The following FOXK2 variants were observed in gnomAD, a reference collection of about 807,000 sequenced individuals.
FOXK2 encodes forkhead box protein K2.
FOXK2 carries 24 observed loss-of-function variants against 53.3 expected under a neutral mutation model. The observed-to-expected ratio is 0.45, with a 90% CI of 0.33 to 0.63. The LOEUF (loss-of-function observed/expected upper bound fraction) is 0.63, where lower values mean the gene tolerates loss of function less well. FOXK2 is among the 30% of genes least tolerant of loss of function. The probability of loss-of-function intolerance (pLI) is 0.03; values close to 1 mark genes in which losing one functional copy is unlikely to be tolerated. For synonymous variants in FOXK2, 505 were observed against 407.1 expected (o/e 1.24, Z -2.89); for missense variants, 952 against 910.5 (o/e 1.05, Z -0.59).
At chr17:82,523,401 A>G (rs2044386421) in intron 1 of FOXK2, among the ~76,000 whole-genome samples, 1 of 152,166 alleles carries the variant, frequency 6.6e-6, no homozygotes, top group Non-Finnish European at 1.5e-5. Flanking sequence ...GGTGTAGGGC[A>G]GTAACACAGG....
intron 5 of FOXK2, among the ~76,000 whole-genome samples, chr17:82,583,698 G>A (rs1005446487): frequency 3.9e-5 from 6 of 152,122 alleles, no homozygotes; most frequent in Non-Finnish European, 5.9e-5. Context: ...AAATGCCCAC[G>A]GACCTGCTCG....
At chr17:82,532,418 A>G (rs562522857) in intron 1 of FOXK2, among the ~76,000 whole-genome samples, 2 of 152,274 alleles carry the variant, frequency 1.3e-5, no homozygotes, top group Non-Finnish European at 2.9e-5. Flanking sequence ...TGCTGGGATT[A>G]CAGGCGTGAG....
At chr17:82,582,512 A>G (rs553466083) in intron 4 of FOXK2, among the ~76,000 whole-genome samples, 222 of 152,310 alleles carry the variant, frequency 1.5e-3, no homozygotes, top group Non-Finnish European at 2.4e-3. Context: ...GTCATCGTTT[A>G]TAAGCATGAT....
At chr17:82,576,543 C>T in intron 4 of FOXK2, 1 of 680,866 alleles carries the variant, frequency 1.5e-6, no homozygotes, top group South Asian at 1.7e-5. Context: ...TGTATTCTGT[C>T]ATCATGAGCT....
chr17:82,527,265 C>T (rs184638457), intron 1 of FOXK2, among the ~76,000 whole-genome samples: 93 of 152,130 alleles, frequency 6.1e-4, no homozygotes, highest in African/African-American at 2.1e-3. Flanking sequence ...CTCAGCCTCC[C>T]GAGGAGCTGG....
At chr17:82,545,871 C>A (rs925271986) in intron 1 of FOXK2, among the ~76,000 whole-genome samples, 2 of 151,682 alleles carry the variant, frequency 1.3e-5, no homozygotes, top group African/African-American at 4.8e-5. Flanking sequence ...CGTGAGCCAC[C>A]GCGCTTGGCC....
chr17:82,525,392 C>T (rs923429918), intron 1 of FOXK2, among the ~76,000 whole-genome samples: 9 of 152,118 alleles, frequency 5.9e-5, no homozygotes, highest in Admixed American at 1.3e-4. Flanking sequence ...GTTGGTCAGG[C>T]TGGTCAGAAC....
At chr17:82,531,437 A>G (rs946118870) in intron 1 of FOXK2, among the ~76,000 whole-genome samples, 1 of 152,168 alleles carries the variant, frequency 6.6e-6, no homozygotes, top group South Asian at 2.1e-4. Flanking sequence ...ACAGTCATGC[A>G]TCACTTAACT....
In FOXK2 at chr17:82,586,083, G is replaced by A. The variant is rs142240270; in HGVS notation, c.1459G>A (p.Gly487Arg). 115 of 1,612,664 alleles carry A rather than the reference G, an allele frequency of 7.1e-5. No individual in the cohort carries two copies. Among genetic ancestry groups the A allele is most frequent in the Admixed American group, 1.2e-4 (7 of 59,998 alleles). ...AGCGGTGTCGGTCACCAGTGTGGCC[G>A]GACTGGCCCCAGCGAACACGTACAC... is the stretch of plus-strand genomic sequence containing the variant. ...IPAVSVTSVA[G>R]LAPANTYTVS... Residue 487 changes from glycine (G) to arginine (R), a missense_variant, in exon 7 of 9, where the codon GGA becomes AGA. Transcript: ENST00000335255.
At chr17:82,564,837 T>A (rs2044836782) in intron 2 of FOXK2, among the ~76,000 whole-genome samples, 1 of 151,694 alleles carries the variant, frequency 6.6e-6, no homozygotes, top group African/African-American at 2.4e-5. Context: ...TTCAAGCGAT[T>A]CTCAAGCCTC....
chr17:82,520,209 C>G lies in FOXK2; in HGVS notation c.321C>G (p.Ala107=). The G allele has an allele frequency of 7.5e-7, 1 of 1,327,930 alleles. No individual in the cohort carries two copies. The highest frequency in any genetic ancestry group is 3.1e-5 in the East Asian group (1 of 32,062). 82.3% of individuals were successfully genotyped at this position (1,327,930 alleles called of 1,614,324 possible). ...ELPPAQPRPD[A]GGDFYLRCLG... is the part of the protein sequence containing the mutation. The stretch of plus-strand genomic sequence containing the variant: ...CGCCCGCGCAGCCCAGGCCCGACGC[C>G]GGCGGCGACTTCTACCTGCGCTGCT... The change falls in exon 1 of 9, where the codon GCC becomes GCG. Residue 107 remains alanine, a synonymous_variant. Coordinates refer to ENST00000335255, the MANE Select transcript of FOXK2 (RefSeq NM_004514.4).
chr17:82,601,237 G>A (rs763085949), intron 8 of FOXK2, 66 bp from the exon 9 acceptor site: 272 of 1,523,402 alleles, frequency 1.8e-4, no homozygotes, highest in Middle Eastern at 2.4e-4. Flanking sequence ...ACGTGAGAGC[G>A]TGGGGTTCTG....
chr17:82,561,446 G>A (rs1338261726), intron 1 of FOXK2, among the ~76,000 whole-genome samples: 1 of 152,136 alleles, frequency 6.6e-6, no homozygotes, highest in South Asian at 2.1e-4. Flanking sequence ...GAGGCCTGGA[G>A]CATTGAACCT....
intron 1 of FOXK2, among the ~76,000 whole-genome samples, chr17:82,550,645 G>T (rs980665434): frequency 3.5e-4 from 53 of 152,096 alleles, no homozygotes; most frequent in African/African-American, 1.2e-3. Context: ...TGGGACTACA[G>T]GCGCCCGCCA....
chr17:82,600,571 T>G (rs1018881065), intron 8 of FOXK2: 13 of 152,274 alleles, frequency 8.5e-5, no homozygotes, highest in African/African-American at 2.9e-4. Flanking sequence ...ACATCCAGAT[T>G]AATGGTTGAC....
intron 1 of FOXK2, among the ~76,000 whole-genome samples, chr17:82,558,868 T>A (rs1372789003): frequency 1.3e-5 from 2 of 152,050 alleles, no homozygotes; most frequent in African/African-American, 4.8e-5. Flanking sequence ...TGCCTCAGCC[T>A]CCCGAGTAGC....
intron 1 of FOXK2, among the ~76,000 whole-genome samples, chr17:82,522,596 C>A (rs539748540): frequency 6.6e-6 from 1 of 151,880 alleles, no homozygotes; most frequent in South Asian, 2.1e-4. Flanking sequence ...TGGTCTCGAT[C>A]TCCTGACCTC....
At chr17:82,560,101 G>C (rs2044776816) in intron 1 of FOXK2, among the ~76,000 whole-genome samples, 1 of 150,434 alleles carries the variant, frequency 6.6e-6, no homozygotes, top group African/African-American at 2.4e-5. Context: ...TGCCTCCCGG[G>C]TTCAAGAGAT....
At chr17:82,597,051 G>C (rs565255194) in intron 8 of FOXK2, among the ~76,000 whole-genome samples, 2 of 152,158 alleles carry the variant, frequency 1.3e-5, no homozygotes, top group African/African-American at 2.4e-5. Flanking sequence ...GGCGCCTCTG[G>C]GTGTGCCCAG....
Sources: gnomAD v4.1 joint callset for allele counts (sites outside exome capture counted in the v4.1 genomes callset) on GRCh38, gnomAD v4.1.1 for gene constraint, MANE v1.5 for transcripts, NCBI Gene and HGNC (gene_info 2026-07-23, HGNC 2026-07-21) for gene names.